Variants in DLG2 observed in about 807,000 individuals in gnomAD.
The protein encoded by DLG2 is discs large MAGUK scaffold protein 2, also known as disks large homolog 2.
A neutral mutation model predicts 132.5 loss-of-function variants in DLG2; 45 were observed. The observed-to-expected ratio is 0.34, with a 90% CI of 0.27 to 0.44. The LOEUF is 0.44. Among genes scored for constraint, DLG2 ranks in the 20% least tolerant of loss-of-function variants. DLG2 has a pLI of 1.00. For synonymous variants in DLG2, 424 were observed against 419.6 expected (o/e 1.01, Z -0.13); for missense variants, 1,045 against 1,196.9 (o/e 0.87, Z 1.87).
In DLG2 at chr11:85,160,941, G is replaced by A. The variant is rs78297352; in HGVS notation, c.187-6290C>T. On this transcript the variant is annotated intron_variant, in intron 4 of 27. Coordinates refer to ENST00000376104, the MANE Select transcript of DLG2 (RefSeq NM_001142699.3). The stretch of plus-strand genomic sequence containing the variant: ...TTCCCAGTGCACAGAAGTTCAAGCA[G>A]TGTACCTCGTTCCACACTTTGCATG... 7.2e-4 allele frequency among the ~76,000 whole-genome samples: 109 copies of A among 152,244 alleles called. 1 individual carries two copies. Among genetic ancestry groups the A allele is most frequent in the African/African-American group, 2.5e-3 (105 of 41,532 alleles).
chr11:83,643,510 TG>T (rs1228578772), intron 18 of DLG2: 1 of 152,220 alleles, frequency 6.6e-6, no homozygotes, highest in Admixed American at 6.6e-5. Context: ...TACCTAAGAC[TG>T]CATCCACTAG....
chr11:83,803,157 C>T (rs1305971652), intron 17 of DLG2, among the ~76,000 whole-genome samples: 2 of 152,018 alleles, frequency 1.3e-5, no homozygotes, highest in Non-Finnish European at 2.9e-5. Context: ...TTAATCCATT[C>T]AATACATATT....
At chr11:85,021,182 T>G in intron 6 of DLG2, 1 of 1,001,314 alleles carries the variant, frequency 1.0e-6, no homozygotes, top group Non-Finnish European at 1.6e-6. Flanking sequence ...AAGCCAGCTT[T>G]TTCCCTTCGT....
intron 7 of DLG2, among the ~76,000 whole-genome samples, chr11:84,343,241 T>C (rs1302274295): frequency 6.6e-6 from 1 of 152,176 alleles, no homozygotes; most frequent in Non-Finnish European, 1.5e-5. Flanking sequence ...CAAATGCTTA[T>C]CACACTGAAT....
At chr11:85,146,526 T>A (rs2076872567) in intron 5 of DLG2, among the ~76,000 whole-genome samples, 1 of 152,088 alleles carries the variant, frequency 6.6e-6, no homozygotes, top group South Asian at 2.1e-4. Flanking sequence ...AGAGATGCCA[T>A]CCAGGAGCTA....
At chr11:85,545,525 C>G (rs1336566963) in intron 3 of DLG2, among the ~76,000 whole-genome samples, 3 of 152,108 alleles carry the variant, frequency 2.0e-5, no homozygotes, top group African/African-American at 4.8e-5. Flanking sequence ...GGTGGATTCC[C>G]TCTTTTTCTA....
At chr11:85,591,199 T>C (rs1392417478) in intron 3 of DLG2, among the ~76,000 whole-genome samples, 1 of 152,210 alleles carries the variant, frequency 6.6e-6, no homozygotes, top group Non-Finnish European at 1.5e-5. Flanking sequence ...ACTCAGTATA[T>C]GGCCGTTTAA....
intron 3 of DLG2, among the ~76,000 whole-genome samples, chr11:85,346,583 A>G (rs909901793): frequency 1.3e-5 from 2 of 152,132 alleles, no homozygotes; most frequent in Non-Finnish European, 2.9e-5. Flanking sequence ...GAATACGTAG[A>G]CACTCCCAAG....
intron 21 of DLG2, among the ~76,000 whole-genome samples, chr11:83,499,808 A>G (rs1440462278): frequency 2.9e-5 from 4 of 140,144 alleles, no homozygotes; most frequent in Non-Finnish European, 4.6e-5. Context: ...TATCATATAT[A>G]TATTTCCTCT....
At chr11:85,201,127 C>T (rs2081426248) in intron 4 of DLG2, among the ~76,000 whole-genome samples, 1 of 152,130 alleles carries the variant, frequency 6.6e-6, no homozygotes, top group Non-Finnish European at 1.5e-5. Context: ...GAGACATGCT[C>T]CCCTCTTAGC....
intron 6 of DLG2, among the ~76,000 whole-genome samples, chr11:85,052,412 G>A (rs1385230080): frequency 6.6e-6 from 1 of 152,118 alleles, no homozygotes; most frequent in Non-Finnish European, 1.5e-5. Flanking sequence ...ACTGACAAAA[G>A]AATTTCAGGA....
intron 11 of DLG2, among the ~76,000 whole-genome samples, chr11:84,055,046 T>C (rs1013160067): frequency 1.3e-5 from 2 of 152,006 alleles, no homozygotes; most frequent in Non-Finnish European, 2.9e-5. Context: ...TTTCACAAAA[T>C]ATAGTGAAAA....
At chr11:85,353,989 A>G (rs554693794) in intron 3 of DLG2, among the ~76,000 whole-genome samples, 1 of 149,206 alleles carries the variant, frequency 6.7e-6, no homozygotes, top group South Asian at 2.1e-4. Flanking sequence ...AAGTATAATT[A>G]AAAAAAAAAG....
chr11:84,720,200 C>T, intron 6 of DLG2: 1 of 927,142 alleles, frequency 1.1e-6, no homozygotes, highest in Non-Finnish European at 1.3e-6. Flanking sequence ...GCTTCTGTCA[C>T]TCTCCCAACA....
chr11:84,178,463 A>C (rs2096030179), intron 8 of DLG2, among the ~76,000 whole-genome samples: 1 of 152,150 alleles, frequency 6.6e-6, no homozygotes, highest in Non-Finnish European at 1.5e-5. Flanking sequence ...AGGTCCTAGC[A>C]ATCAACATAT....
intron 3 of DLG2, among the ~76,000 whole-genome samples, chr11:85,465,935 G>A (rs1251229603): frequency 6.6e-6 from 1 of 152,038 alleles, no homozygotes; most frequent in Non-Finnish European, 1.5e-5. Flanking sequence ...GTGTAAAAGT[G>A]TTCCCATTTC....
intron 7 of DLG2, among the ~76,000 whole-genome samples, chr11:84,260,959 A>G (rs1290887433): frequency 6.6e-6 from 1 of 152,208 alleles, no homozygotes; most frequent in African/African-American, 2.4e-5. Context: ...GCCCCATGCC[A>G]TAATAACCAT....
Position 85,376,911 on chromosome 11 carries a change from A to G in DLG2, c.41-91546T>C, listed in dbSNP as rs141890351. Among the ~76,000 whole-genome samples, 200 of 152,298 alleles carry G rather than the reference A, an allele frequency of 1.3e-3. 1 individual carries two copies. The highest frequency in any genetic ancestry group is 4.6e-3 in the African/African-American group (191 of 41,586). On this transcript the variant is annotated intron_variant, in intron 3 of 27. Transcript: ENST00000376104. The stretch of plus-strand genomic sequence containing the variant: ...CTGGATATAAGGTAAATTTTTTCCA[A>G]TGGGAAAGAATACCCAAGAAAATAA...
chr11:84,811,294 G>A (rs1288186359), intron 6 of DLG2, among the ~76,000 whole-genome samples: 1 of 152,074 alleles, frequency 6.6e-6, no homozygotes, highest in Non-Finnish European at 1.5e-5. Flanking sequence ...ATGTTTCTGT[G>A]ACAGAGTGAA....
Sources: gnomAD v4.1 joint callset for allele counts (sites outside exome capture counted in the v4.1 genomes callset) on GRCh38, gnomAD v4.1.1 for gene constraint, MANE v1.5 for transcripts, NCBI Gene and HGNC (gene_info 2026-07-23, HGNC 2026-07-21) for gene names.